Variants in KLF12 observed in about 807,000 individuals in gnomAD.
KLF12 encodes the protein KLF transcription factor 12, also known as Krueppel-like factor 12.
In KLF12, 9 loss-of-function variants were observed where a neutral mutation model predicts 37.8. That is an observed-to-expected ratio of 0.24 (90% CI 0.14 to 0.42). KLF12 has a LOEUF of 0.42. KLF12 is among the 10% of genes least tolerant of loss of function. KLF12 has a pLI of 1.00. For synonymous variants in KLF12, 208 were observed against 202.1 expected (o/e 1.03, Z -0.25); for missense variants, 411 against 516.0 (o/e 0.80, Z 1.97).
chr13:73,760,615 A>T (rs1212295691), intron 6 of KLF12, among the ~76,000 whole-genome samples: 1 of 152,166 alleles, frequency 6.6e-6, no homozygotes, highest in African/African-American at 2.4e-5. Flanking sequence ...GAGCCACCAC[A>T]TTTGGCCAAT....
the KLF12 span, among the ~76,000 whole-genome samples, chr13:74,241,535 C>T: frequency 1.3e-5 from 2 of 152,222 alleles, no homozygotes; most frequent in African/African-American, 4.8e-5. Flanking sequence ...GGGCGCCCCT[C>T]CCCCAGCCTC....
chr13:73,926,438 C>G (rs1465710904), intron 3 of KLF12, among the ~76,000 whole-genome samples: 1 of 152,122 alleles, frequency 6.6e-6, no homozygotes. Context: ...ATGTAATGGT[C>G]TTGCACACTT....
At chr13:74,181,123 C>T in the KLF12 span, among the ~76,000 whole-genome samples, 7 of 151,758 alleles carry the variant, frequency 4.6e-5, no homozygotes, top group Non-Finnish European at 7.4e-5. Context: ...CTCAGCCTCC[C>T]GAGTAGCTGG....
At chr13:73,956,999 GGGAAAGGAAAGGAAAAGAAAGGAAA>G in intron 2 of KLF12, among the ~76,000 whole-genome samples, 1 of 128,468 alleles carries the variant, frequency 7.8e-6, no homozygotes, top group African/African-American at 3.0e-5. Context: ...AGGGAAAGGA[GGGAAAGGAAAGGAAAAGAAAGGAAA>G]GGAAAGGAAA....
chr13:74,187,761 T>C, the KLF12 span, among the ~76,000 whole-genome samples: 1 of 152,320 alleles, frequency 6.6e-6, no homozygotes, highest in African/African-American at 2.4e-5. Context: ...GCCTTCATTC[T>C]GGCATTTGAC....
At chr13:74,146,382 C>A in the KLF12 span, among the ~76,000 whole-genome samples, 2 of 152,054 alleles carry the variant, frequency 1.3e-5, no homozygotes, top group African/African-American at 4.8e-5. Context: ...AGATCTAAAA[C>A]AATATGATTT....
chr13:74,275,141 A>G, the KLF12 span, among the ~76,000 whole-genome samples: 1 of 152,214 alleles, frequency 6.6e-6, no homozygotes, highest in Non-Finnish European at 1.5e-5. Flanking sequence ...AGGGAACCAC[A>G]AATATGAAAG....
intron 3 of KLF12, among the ~76,000 whole-genome samples, chr13:73,894,546 T>G (rs1377504431): frequency 6.6e-6 from 1 of 152,240 alleles, no homozygotes; most frequent in Non-Finnish European, 1.5e-5. Flanking sequence ...TTATTTACTT[T>G]AGCACGCCCA....
chr13:74,189,304 G>T, the KLF12 span, among the ~76,000 whole-genome samples: 1 of 152,132 alleles, frequency 6.6e-6, no homozygotes, highest in East Asian at 1.9e-4. Context: ...CTTCGGTTTT[G>T]TAAGACAACA....
chr13:74,178,393 A>G, the KLF12 span, among the ~76,000 whole-genome samples: 4 of 152,216 alleles, frequency 2.6e-5, no homozygotes, highest in African/African-American at 9.7e-5. Context: ...TCTTTTAAAA[A>G]TGGTTCTCTT....
the KLF12 span, among the ~76,000 whole-genome samples, chr13:74,280,770 C>G: frequency 6.6e-6 from 1 of 151,828 alleles, no homozygotes; most frequent in African/African-American, 2.4e-5. Context: ...TTTTCCCTAA[C>G]AGATGACGAA....
intron 5 of KLF12, among the ~76,000 whole-genome samples, chr13:73,772,579 T>G (rs570341728): frequency 6.6e-6 from 1 of 152,138 alleles, no homozygotes; most frequent in African/African-American, 2.4e-5. Flanking sequence ...ATGTGTCCAA[T>G]AGCAAAACCA....
chr13:73,945,686 T>G (rs1481578555), intron 2 of KLF12, among the ~76,000 whole-genome samples: 1 of 152,064 alleles, frequency 6.6e-6, no homozygotes, highest in Non-Finnish European at 1.5e-5. Flanking sequence ...TAATGAGCAT[T>G]TAAAAAGTCT....
At chr13:74,295,849 T>C in the KLF12 span, among the ~76,000 whole-genome samples, 3 of 152,182 alleles carry the variant, frequency 2.0e-5, no homozygotes, top group Admixed American at 2.0e-4. Context: ...GGTCTCACTA[T>C]GTCGCCCAGG....
At chr13:74,230,871 T>TGAGTAACC in the KLF12 span, among the ~76,000 whole-genome samples, 1 of 152,242 alleles carries the variant, frequency 6.6e-6, no homozygotes, top group South Asian at 2.1e-4. Context: ...CATTCTGTTA[T>TGAGTAACC]GAGTAACCCT....
chr13:74,230,074 C>A, the KLF12 span, among the ~76,000 whole-genome samples: 2 of 152,152 alleles, frequency 1.3e-5, no homozygotes, highest in Non-Finnish European at 2.9e-5. Flanking sequence ...TGTGTCCCCA[C>A]CCAAATCTCA....
At chr13:73,812,583 C>A (rs865917094) in intron 5 of KLF12, among the ~76,000 whole-genome samples, 49 of 151,060 alleles carry the variant, frequency 3.2e-4, no homozygotes, top group African/African-American at 1.2e-3. Flanking sequence ...CATTTAGGTT[C>A]AATTCTAGGT....
chr13:74,044,696 T>A (rs953867911), intron 1 of KLF12, among the ~76,000 whole-genome samples: 2 of 151,710 alleles, frequency 1.3e-5, no homozygotes, highest in Admixed American at 1.3e-4. Flanking sequence ...ATACAAAAAA[T>A]TTGCCAGATG....
intron 1 of KLF12, among the ~76,000 whole-genome samples, chr13:74,012,348 CTAT>C (rs1892571656): frequency 6.6e-6 from 1 of 152,164 alleles, no homozygotes; most frequent in South Asian, 2.1e-4. Context: ...TCCTCATAGA[CTAT>C]TAAAACGAAA....
Sources: gnomAD v4.1 joint callset for allele counts (sites outside exome capture counted in the v4.1 genomes callset) on GRCh38, gnomAD v4.1.1 for gene constraint, MANE v1.5 for transcripts, NCBI Gene and HGNC (gene_info 2026-07-23, HGNC 2026-07-21) for gene names.